MAGI2: variants seen among roughly 807,000 people sequenced by gnomAD.
MAGI2 encodes the protein membrane associated guanylate kinase, WW and PDZ domain containing 2, also known as membrane-associated guanylate kinase, WW and PDZ domain-containing protein 2.
In MAGI2, 35 loss-of-function variants were observed where a neutral mutation model predicts 133.3. The ratio of observed to expected loss-of-function variants is 0.26; its 90% CI spans 0.20 to 0.35. The LOEUF (loss-of-function observed/expected upper bound fraction) is 0.35. Ranked by LOEUF, MAGI2 falls within the 10% of genes least tolerant of loss-of-function variation. The pLI, the probability that MAGI2 is intolerant of heterozygous loss-of-function variation, is 1.00. For synonymous variants in MAGI2, 729 were observed against 710.6 expected (o/e 1.03, Z -0.41); for missense variants, 1,636 against 1,863.4 (o/e 0.88, Z 2.25).
At chr7:78,056,340 A>G (rs1033660411) in intron 21 of MAGI2, among the ~76,000 whole-genome samples, 1 of 152,214 alleles carries the variant, frequency 6.6e-6, no homozygotes, top group Non-Finnish European at 1.5e-5. Context: ...AGGAATATAA[A>G]TCATTCTATT....
At chr7:78,889,417 C>G (rs1334533543) in intron 2 of MAGI2, among the ~76,000 whole-genome samples, 2 of 152,118 alleles carry the variant, frequency 1.3e-5, no homozygotes, top group African/African-American at 4.8e-5. Context: ...AACTCCAAGA[C>G]ACATAATTGT....
At chr7:78,023,497 C>T (rs968353584) in intron 21 of MAGI2, among the ~76,000 whole-genome samples, 7 of 152,134 alleles carry the variant, frequency 4.6e-5, no homozygotes, top group African/African-American at 9.7e-5. Context: ...GCATCGTTCA[C>T]GTTCTGAGAT....
At chr7:78,665,818 T>G (rs1018731272) in intron 2 of MAGI2, among the ~76,000 whole-genome samples, 2 of 152,150 alleles carry the variant, frequency 1.3e-5, no homozygotes, top group Non-Finnish European at 2.9e-5. Flanking sequence ...TAATCTTTGT[T>G]GAACAACTAT....
chr7:79,281,604 T>C (rs576246727), intron 1 of MAGI2, among the ~76,000 whole-genome samples: 10 of 152,240 alleles, frequency 6.6e-5, no homozygotes, highest in African/African-American at 2.2e-4. Flanking sequence ...AATTGCTGAG[T>C]CATCACTGCA....
At chr7:78,299,445 T>A (rs1342339005) in intron 9 of MAGI2, among the ~76,000 whole-genome samples, 2 of 151,042 alleles carry the variant, frequency 1.3e-5, no homozygotes, top group African/African-American at 4.8e-5. Flanking sequence ...ATGCTTATGA[T>A]ACAAAGCTTA....
At chr7:79,361,459 G>C (rs1410026750) in intron 1 of MAGI2, among the ~76,000 whole-genome samples, 2 of 152,138 alleles carry the variant, frequency 1.3e-5, no homozygotes, top group Non-Finnish European at 2.9e-5. Flanking sequence ...CCCAAATATC[G>C]TATTTTCCAA....
At position 78,665,170 on chromosome 7, in the gene MAGI2, G is replaced by A. The variant is rs186360090; in HGVS notation, c.419-37931C>T. Reference sequence around the variant, plus strand: ...CATATCTATGATTATTTTTCCTAGAGGTGATGTTACTACCTACGATTATAA... The same window carrying A: ...CATATCTATGATTATTTTTCCTAGAAGTGATGTTACTACCTACGATTATAA... On this transcript the variant is annotated intron_variant, in intron 2 of 21. Transcript: ENST00000354212. Among the ~76,000 whole-genome samples the A allele has an allele frequency of 1.5e-4, 23 of 152,118 alleles. No homozygotes were observed. In the East Asian group the frequency reaches 4.4e-3, roughly 29 times the overall value.
chr7:79,418,736 C>G (rs4730815), intron 1 of MAGI2, among the ~76,000 whole-genome samples: 1 of 151,108 alleles, frequency 6.6e-6, no homozygotes, highest in South Asian at 2.1e-4. Context: ...GAACCTGCAA[C>G]TGATAAATAT....
intron 1 of MAGI2, among the ~76,000 whole-genome samples, chr7:79,381,519 T>C (rs927127062): frequency 6.6e-6 from 1 of 151,798 alleles, no homozygotes; most frequent in Non-Finnish European, 1.5e-5. Flanking sequence ...TTCAAGAATA[T>C]ATATTAGAAC....
chr7:79,048,464 T>C (rs1812373920), intron 1 of MAGI2, among the ~76,000 whole-genome samples: 1 of 152,142 alleles, frequency 6.6e-6, no homozygotes, highest in Non-Finnish European at 1.5e-5. Flanking sequence ...ATAAATAACT[T>C]CTCCCTTTTT....
chr7:78,957,843 A>C (rs569159808), intron 2 of MAGI2, among the ~76,000 whole-genome samples: 3 of 152,246 alleles, frequency 2.0e-5, no homozygotes, highest in African/African-American at 7.2e-5. Flanking sequence ...TTTGTTTTTA[A>C]ATTCCAGCCT....
intron 1 of MAGI2, chr7:79,173,074 A>T (rs1007554672): frequency 6.6e-6 from 1 of 152,030 alleles, no homozygotes; most frequent in Non-Finnish European, 1.5e-5. Context: ...TCAATTAATA[A>T]ATTATTAGAA....
chr7:78,361,020 T>C (rs928341213), intron 7 of MAGI2, among the ~76,000 whole-genome samples: 2 of 152,180 alleles, frequency 1.3e-5, no homozygotes, highest in African/African-American at 4.8e-5. Flanking sequence ...GCTTCTGTAC[T>C]ACCCTGTGTG....
intron 3 of MAGI2, among the ~76,000 whole-genome samples, chr7:78,560,282 A>G (rs765281405): frequency 1.3e-5 from 2 of 152,238 alleles, no homozygotes; most frequent in Non-Finnish European, 2.9e-5. Context: ...TGACAGCAGA[A>G]TATTCATGCA....
At chr7:79,035,340 G>T (rs1461275869) in intron 1 of MAGI2, among the ~76,000 whole-genome samples, 1 of 152,074 alleles carries the variant, frequency 6.6e-6, no homozygotes, top group Non-Finnish European at 1.5e-5. Context: ...GAAATGAAAA[G>T]CAGTGTAAAT....
chr7:78,659,120 A>C (rs1272614420), intron 2 of MAGI2, among the ~76,000 whole-genome samples: 7 of 152,156 alleles, frequency 4.6e-5, no homozygotes, highest in Admixed American at 4.6e-4. Context: ...ATACCATGAA[A>C]TACTAATTAG....
chr7:78,206,290 C>CTTTTTTTTTTTTTTTTTTTT (rs774941321), intron 10 of MAGI2, among the ~76,000 whole-genome samples: 1 of 111,250 alleles, frequency 9.0e-6, no homozygotes. Flanking sequence ...TTTCCTTTTC[C>CTTTTTTTTTTTTTTTTTTTT]TTTCTTTTTT....
chr7:79,015,976 C>G (rs1808669122), intron 1 of MAGI2, among the ~76,000 whole-genome samples: 1 of 120,346 alleles, frequency 8.3e-6, no homozygotes, highest in Non-Finnish European at 1.6e-5. Context: ...TTATTTCTAG[C>G]CCTCAATGAC....
chr7:78,669,410 G>A (rs192766729), intron 2 of MAGI2, among the ~76,000 whole-genome samples: 3 of 152,026 alleles, frequency 2.0e-5, no homozygotes, highest in Non-Finnish European at 4.4e-5. Flanking sequence ...AACAGGCTCT[G>A]AAATTGTGGC....
Sources: allele counts gnomAD v4.1 joint callset (sites outside exome capture counted in the v4.1 genomes callset), GRCh38; gene constraint gnomAD v4.1.1; transcripts MANE v1.5; gene names NCBI Gene and HGNC (gene_info 2026-07-23, HGNC 2026-07-21).